The following MBD2 variants were observed in gnomAD, a reference collection of about 807,000 sequenced individuals.
The protein encoded by MBD2 is methyl-CpG-binding domain protein 2.
Under a neutral mutation model 39.3 loss-of-function variants are expected in MBD2, and 9 were observed. The observed-to-expected ratio is 0.23, with a 90% CI of 0.14 to 0.40. The LOEUF (loss-of-function observed/expected upper bound fraction) is 0.40. MBD2 is among the 10% of genes least tolerant of loss of function. The probability of loss-of-function intolerance (pLI) is 1.00; values close to 1 mark genes in which losing one functional copy is unlikely to be tolerated. For synonymous variants in MBD2, 233 were observed against 211.1 expected (o/e 1.10, Z -0.90); for missense variants, 458 against 532.6 (o/e 0.86, Z 1.38).
intron 3 of MBD2, among the ~76,000 whole-genome samples, chr18:54,182,471 T>C (rs771295984): frequency 6.6e-6 from 1 of 152,212 alleles, no homozygotes; most frequent in South Asian, 2.1e-4. Flanking sequence ...GAATAGCATA[T>C]GCAAAAACCT....
At chr18:54,213,365 C>A (rs2144345130) in intron 1 of MBD2, among the ~76,000 whole-genome samples, 1 of 152,234 alleles carries the variant, frequency 6.6e-6, no homozygotes. Context: ...GAGAATCTAA[C>A]TAATGCCTGA....
chr18:54,182,343 G>A (rs1162887756), intron 3 of MBD2, among the ~76,000 whole-genome samples: 1 of 152,214 alleles, frequency 6.6e-6, no homozygotes. Context: ...TTTCTGAACA[G>A]AAGTGACATC....
chr18:54,218,089 G>A (rs2086576683), intron 1 of MBD2, among the ~76,000 whole-genome samples: 2 of 152,136 alleles, frequency 1.3e-5, no homozygotes, highest in African/African-American at 4.8e-5. Flanking sequence ...ATAAATATTG[G>A]ATTTCTTTCC....
Position 54,224,293 on chromosome 18 carries a change from G to T in MBD2, c.267C>A (p.Gly89=), listed in dbSNP as rs1388147154. 3.2e-6 allele frequency: 3 copies of T among 944,688 alleles called. No homozygotes were observed. Among genetic ancestry groups the T allele is most frequent in the South Asian group, 9.4e-5 (2 of 21,334 alleles). The allele number at this position is 944,688 out of a possible 1,614,324, so 58.5% of individuals were successfully genotyped here. A position where few individuals can be genotyped will look rare whatever the true frequency, so the allele number is the denominator to read the frequency against. Residue 89 remains glycine (G), a synonymous_variant, in exon 1 of 7, where the codon GGC becomes GGA. Transcript: ENST00000256429. ...GGGGACGGCCGCGGCCCCGGCCCCG[G>T]CCCCGTCCCCGTCCCCGGCCACGGC... ...GRGRGRGRGR[G]RGRGRGRPPS...
At chr18:54,196,796 C>T (rs1354647688) in intron 2 of MBD2, among the ~76,000 whole-genome samples, 1 of 152,186 alleles carries the variant, frequency 6.6e-6, no homozygotes, top group Admixed American at 6.5e-5. Flanking sequence ...ACATTTGAAG[C>T]ACTAGTTTAT....
intron 6 of MBD2, among the ~76,000 whole-genome samples, chr18:54,157,696 AG>A (rs1412441628): frequency 6.6e-6 from 1 of 152,170 alleles, no homozygotes; most frequent in Non-Finnish European, 1.5e-5. Flanking sequence ...GCACTATGGA[AG>A]GGGATAATTG....
At chr18:54,215,275 T>C (rs73483652) in intron 1 of MBD2, among the ~76,000 whole-genome samples, 1 of 152,156 alleles carries the variant, frequency 6.6e-6, no homozygotes, top group Non-Finnish European at 1.5e-5. Context: ...TCATGGTAAC[T>C]TGACAGGGTA....
rs2086302208 is a variant in MBD2, at chr18:54,189,111, C to G, written c.703-100G>C. ...TCTATTACTTTAAATCAAATTATTC[C>G]AAACTTCTCAGTCTATCGCAGCATT... On this transcript the variant is annotated intron_variant, in intron 2 of 6. Transcript: ENST00000256429. 9 of 761,554 alleles carry G rather than the reference C, an allele frequency of 1.2e-5. No homozygotes were observed. The South Asian group carries it at 2.8e-4, about 24-fold the overall frequency. The allele number at this position is 761,554 out of a possible 1,614,324, so 47.2% of individuals were successfully genotyped here. A position where few individuals can be genotyped will look rare whatever the true frequency, so the allele number is the denominator to read the frequency against.
chr18:54,201,749 G>C (rs2086409416), intron 2 of MBD2, among the ~76,000 whole-genome samples: 1 of 151,782 alleles, frequency 6.6e-6, no homozygotes, highest in Non-Finnish European at 1.5e-5. Context: ...TGTAGTCCCA[G>C]CTACTCGGGA....
intron 1 of MBD2, among the ~76,000 whole-genome samples, chr18:54,212,720 A>G (rs934492207): frequency 6.6e-6 from 1 of 152,118 alleles, no homozygotes; most frequent in African/African-American, 2.4e-5. Flanking sequence ...ACTCTGGGCA[A>G]GTCAATTTGA....
chr18:54,223,981 T>G, intron 1 of MBD2, 37 bp downstream of exon 1: 108 of 1,014,638 alleles, frequency 1.1e-4, no homozygotes, highest in Non-Finnish European at 1.5e-4. Flanking sequence ...GACCCCGGCC[T>G]GACCCCGCCA....
intron 1 of MBD2, among the ~76,000 whole-genome samples, chr18:54,215,962 C>T (rs899905126): frequency 1.3e-5 from 2 of 151,808 alleles, no homozygotes; most frequent in East Asian, 1.9e-4. Context: ...CCACCATGCC[C>T]GGCTAATTTT....
intron 5 of MBD2, among the ~76,000 whole-genome samples, chr18:54,164,110 T>G (rs1460935178): frequency 6.6e-6 from 1 of 152,114 alleles, no homozygotes; most frequent in Non-Finnish European, 1.5e-5. Context: ...GGTCTCAAAC[T>G]CCTGGGCTCA....
At position 54,210,821 on chromosome 18, in the gene MBD2, T is replaced by TAC. The variant is rs2086498153; in HGVS notation, c.543-5665_543-5664insGT. Among the ~76,000 whole-genome samples, 4 of 151,716 alleles carry TAC rather than the reference T, an allele frequency of 2.6e-5. No individual in the cohort carries two copies. The South Asian group carries it at 8.3e-4, about 32-fold the overall frequency. On this transcript the variant is annotated intron_variant, in intron 1 of 6. Coordinates refer to ENST00000256429, the MANE Select transcript of MBD2 (RefSeq NM_003927.5). ...TCTCCACACTAAAAATTCTGTAAGC[T>TAC]ATAGCACTGGAAATGTTTGAGACTA...
chr18:54,209,079 G>A (rs183366461), intron 1 of MBD2, among the ~76,000 whole-genome samples: 134 of 152,218 alleles, frequency 8.8e-4, no homozygotes, highest in Non-Finnish European at 1.6e-3. Flanking sequence ...CGGATTGCCC[G>A]AGCTCAGGAG....
chr18:54,207,480 T>C (rs1599104449), intron 1 of MBD2, among the ~76,000 whole-genome samples: 1 of 152,152 alleles, frequency 6.6e-6, no homozygotes, highest in East Asian at 1.9e-4. Flanking sequence ...TCAAACACCA[T>C]TATAGGCTAG....
At chr18:54,204,564 C>T (rs918406402) in intron 2 of MBD2, among the ~76,000 whole-genome samples, 1 of 152,148 alleles carries the variant, frequency 6.6e-6, no homozygotes, top group Non-Finnish European at 1.5e-5. Context: ...TTCAAAAAGT[C>T]ATTATCCTCA....
intron 5 of MBD2, among the ~76,000 whole-genome samples, chr18:54,163,921 T>C (rs1260357628): frequency 6.6e-6 from 1 of 152,146 alleles, no homozygotes; most frequent in Admixed American, 6.5e-5. Flanking sequence ...TCTAGCTCTG[T>C]CACCACGGCT....
chr18:54,173,980 T>C (rs2086194592), intron 3 of MBD2, among the ~76,000 whole-genome samples: 1 of 152,190 alleles, frequency 6.6e-6, no homozygotes, highest in Non-Finnish European at 1.5e-5. Context: ...TGTGAGCTTG[T>C]TTCAAGAATA....
Sources: allele counts gnomAD v4.1 joint callset (sites outside exome capture counted in the v4.1 genomes callset), GRCh38; gene constraint gnomAD v4.1.1; transcripts MANE v1.5; gene names NCBI Gene and HGNC (gene_info 2026-07-23, HGNC 2026-07-21).